SCGN: variants seen among roughly 807,000 people sequenced by gnomAD.
SCGN encodes secretagogin, EF-hand calcium binding protein, also known as secretagogin.
In SCGN, 30 loss-of-function variants were observed where a neutral mutation model predicts 39.7. The observed-to-expected ratio is 0.76, with a 90% CI of 0.57 to 1.03. The LOEUF is 1.03. SCGN is among the 50% of genes least tolerant of loss of function. The pLI, the probability that SCGN is intolerant of heterozygous loss-of-function variation, is 0.00. For synonymous variants in SCGN, 106 were observed against 114.1 expected (o/e 0.93, Z 0.45); for missense variants, 353 against 349.4 (o/e 1.01, Z -0.08).
intron 2 of SCGN, among the ~76,000 whole-genome samples, chr6:25,658,221 A>G (rs761734135): frequency 1.3e-4 from 20 of 150,208 alleles, no homozygotes; most frequent in Non-Finnish European, 2.5e-4. Flanking sequence ...TTGTATTTTT[A>G]ATGGAGACGG....
chr6:25,654,037 T>A (rs9379776), intron 2 of SCGN, among the ~76,000 whole-genome samples: 31,735 of 152,004 alleles, frequency 0.21, 3,641 homozygotes, highest in East Asian at 0.43. Context: ...GAGATGTAAA[T>A]GAACTCTTGA....
chr6:25,689,092 T>C, intron 7 of SCGN, 80 bp from the exon 8 acceptor site: 1 of 946,042 alleles, frequency 1.1e-6, no homozygotes, highest in Non-Finnish European at 1.6e-6. Flanking sequence ...GCCTGTACTT[T>C]CCACACACCA....
chr6:25,688,202 T>C (rs1759729077), intron 7 of SCGN, among the ~76,000 whole-genome samples: 1 of 152,240 alleles, frequency 6.6e-6, no homozygotes, highest in African/African-American at 2.4e-5. Context: ...AGTTAATGTC[T>C]AGTGTCCTTT....
chr6:25,678,378 CT>C (rs1561766502), intron 6 of SCGN, among the ~76,000 whole-genome samples: 2 of 152,004 alleles, frequency 1.3e-5, no homozygotes, highest in East Asian at 1.9e-4. Flanking sequence ...TATTTATTTT[CT>C]TTTTTTTAAA....
At chr6:25,697,011 G>T (rs1759847624) in intron 10 of SCGN, among the ~76,000 whole-genome samples, 1 of 152,200 alleles carries the variant, frequency 6.6e-6, no homozygotes, top group African/African-American at 2.4e-5. Flanking sequence ...TGGGAAGAAA[G>T]TTGAAAGACT....
At chr6:25,652,630 A>G (rs1474359765) in intron 1 of SCGN, 145 bp downstream of exon 1, 6 of 650,292 alleles carry the variant, frequency 9.2e-6, no homozygotes, top group East Asian at 2.8e-5. Flanking sequence ...AGTATCATTA[A>G]CAGACGTTTG....
intron 4 of SCGN, among the ~76,000 whole-genome samples, chr6:25,666,177 T>TA (rs59692433): frequency 1.1e-3 from 132 of 124,572 alleles, no homozygotes; most frequent in African/African-American, 2.8e-3. Flanking sequence ...CCATCTCTAC[T>TA]AAAAAAAAAA....
At chr6:25,695,851 C>T (rs577042769) in intron 10 of SCGN, among the ~76,000 whole-genome samples, 16 of 152,140 alleles carry the variant, frequency 1.1e-4, no homozygotes, top group South Asian at 4.2e-4. Context: ...TTTAACAGCC[C>T]GTAGCTCACT....
At chr6:25,664,709 T>C (rs1382794142) in intron 3 of SCGN, among the ~76,000 whole-genome samples, 1 of 152,222 alleles carries the variant, frequency 6.6e-6, no homozygotes, top group Non-Finnish European at 1.5e-5. Flanking sequence ...TTTAAGCTCA[T>C]TGAAGGCAGA....
chr6:25,691,156 GGTT>G, intron 10 of SCGN, 32 bp downstream of exon 10: 1 of 1,520,162 alleles, frequency 6.6e-7, no homozygotes, highest in Non-Finnish European at 9.1e-7. Context: ...TATGAAGTGG[GGTT>G]GTTGTTTTGA....
At chr6:25,692,485 T>A (rs528066194) in intron 10 of SCGN, among the ~76,000 whole-genome samples, 1 of 152,254 alleles carries the variant, frequency 6.6e-6, no homozygotes, top group South Asian at 2.1e-4. Flanking sequence ...TTGGCCTTCT[T>A]CTCTTCCATG....
intron 4 of SCGN, among the ~76,000 whole-genome samples, chr6:25,668,349 A>G (rs936347067): frequency 6.6e-6 from 1 of 152,236 alleles, no homozygotes; most frequent in Non-Finnish European, 1.5e-5. Context: ...AAAACAGTTC[A>G]GTGCTTTCTT....
At chr6:25,686,813 G>A (rs1175729703) in intron 7 of SCGN, among the ~76,000 whole-genome samples, 1 of 152,048 alleles carries the variant, frequency 6.6e-6, no homozygotes, top group Non-Finnish European at 1.5e-5. Context: ...TTCCTTCTAA[G>A]AGTTATATAA....
At position 25,664,940 on chromosome 6, in the gene SCGN, C is replaced by A; in HGVS notation, c.247-3C>A. 1.2e-6 allele frequency: 2 copies of A among 1,612,204 alleles called. No homozygotes were observed. Among genetic ancestry groups the A allele is most frequent in the South Asian group, 1.1e-5 (1 of 90,954 alleles). Reference sequence around the variant, plus strand: ...CTGACTGTTATTCTTTCTGTTCCTTCAGCTTGCTGGTATGTTCTTATCTGA... The same window carrying A: ...CTGACTGTTATTCTTTCTGTTCCTTAAGCTTGCTGGTATGTTCTTATCTGA... On this transcript the variant is annotated splice_region_variant and splice_polypyrimidine_tract_variant and intron_variant, in intron 3 of 10. Coordinates refer to ENST00000377961, the MANE Select transcript of SCGN (RefSeq NM_006998.4).
chr6:25,690,957 C>T lies in SCGN; in HGVS notation c.634-99C>T. 8.5e-6 allele frequency: 7 copies of T among 820,108 alleles called. No individual in the cohort carries two copies. In the South Asian group the frequency reaches 1.2e-4, roughly 14 times the overall value. The allele number at this position is 820,108 out of a possible 1,614,324, so 50.8% of individuals were successfully genotyped here. A position where few individuals can be genotyped will look rare whatever the true frequency, so the allele number is the denominator to read the frequency against. On this transcript the variant is annotated intron_variant, in intron 9 of 10. Coordinates refer to ENST00000377961, the MANE Select transcript of SCGN (RefSeq NM_006998.4). ...ATGCCACTTCTAAATCTATTTGCGG[C>T]CACACAAGAATACTGATACGGTTTA...
intron 2 of SCGN, among the ~76,000 whole-genome samples, chr6:25,660,137 G>A (rs973705161): frequency 1.3e-5 from 2 of 152,180 alleles, no homozygotes; most frequent in Non-Finnish European, 2.9e-5. Context: ...TGAAGATCCA[G>A]GGAGATAATA....
At chr6:25,688,470 G>A (rs1759732495) in intron 7 of SCGN, among the ~76,000 whole-genome samples, 1 of 152,182 alleles carries the variant, frequency 6.6e-6, no homozygotes, top group Admixed American at 6.5e-5. Flanking sequence ...GTTAGGGCAA[G>A]TTAAATGCTA....
intron 3 of SCGN, among the ~76,000 whole-genome samples, 191 bp downstream of exon 3, chr6:25,661,835 A>C (rs1452724598): frequency 6.6e-6 from 1 of 152,148 alleles, no homozygotes; most frequent in Non-Finnish European, 1.5e-5. Flanking sequence ...TTTTTCATCT[A>C]CTTAGTAACA....
At chr6:25,692,048 T>C (rs1759779888) in intron 10 of SCGN, among the ~76,000 whole-genome samples, 1 of 152,220 alleles carries the variant, frequency 6.6e-6, no homozygotes, top group Admixed American at 6.5e-5. Flanking sequence ...TCGTCCGTGA[T>C]TCCTTTCTTT....
Sources: allele counts gnomAD v4.1 joint callset (sites outside exome capture counted in the v4.1 genomes callset), GRCh38; gene constraint gnomAD v4.1.1; transcripts MANE v1.5; gene names NCBI Gene and HGNC (gene_info 2026-07-23, HGNC 2026-07-21).